The following CHN2 variants were observed in gnomAD, a reference collection of about 807,000 sequenced individuals.
CHN2 encodes beta-chimaerin.
In CHN2, 35 loss-of-function variants were observed where a neutral mutation model predicts 56.3. The observed-to-expected ratio is 0.62, with a 90% CI of 0.47 to 0.82. The LOEUF (loss-of-function observed/expected upper bound fraction) is 0.82, where lower values mean the gene tolerates loss of function less well. Among genes scored for constraint, CHN2 ranks in the 40% least tolerant of loss-of-function variants. The pLI is 0.00. For missense variants in CHN2, 491 were observed against 580.5 expected (o/e 0.85, Z 1.58); for synonymous variants, 210 against 212.8 (o/e 0.99, Z 0.12).
chr7:29,333,204 A>G lies in CHN2; in HGVS notation c.50-21421A>G, dbSNP rs78182329. On this transcript the variant is annotated intron_variant, in intron 1 of 12. Coordinates refer to ENST00000222792, the MANE Select transcript of CHN2 (RefSeq NM_004067.4). ...CTGGGCTGGGGTGTACAGAGCAGCAATGGGAACAGGGGAGGCACATCTAGT... is the reference window on the plus strand; with the variant it reads ...CTGGGCTGGGGTGTACAGAGCAGCAGTGGGAACAGGGGAGGCACATCTAGT... Among the ~76,000 whole-genome samples, 14 of 152,240 alleles carry G rather than the reference A, an allele frequency of 9.2e-5. No individual in the cohort carries two copies. In the East Asian group the frequency reaches 1.4e-3, roughly 15 times the overall value.
chr7:29,401,128 TG>T, intron 6 of CHN2: 1 of 308,488 alleles, frequency 3.2e-6, no homozygotes, highest in South Asian at 3.8e-5. Context: ...ATCAGCCGGG[TG>T]TGGTGGTGGG....
intron 6 of CHN2, among the ~76,000 whole-genome samples, chr7:29,418,324 C>T (rs1232444951): frequency 2.6e-5 from 4 of 152,194 alleles, no homozygotes; most frequent in Admixed American, 2.6e-4. Context: ...CGCGGAAGCG[C>T]GGGGAGGAGG....
chr7:29,323,995 C>A (rs944508730), intron 1 of CHN2, among the ~76,000 whole-genome samples: 1 of 151,328 alleles, frequency 6.6e-6, no homozygotes, highest in Non-Finnish European at 1.5e-5. Flanking sequence ...CAGAGCGAGA[C>A]CCCGTCTCAA....
At chr7:29,235,575 AC>A (rs1302444530) in intron 1 of CHN2, among the ~76,000 whole-genome samples, 1 of 152,224 alleles carries the variant, frequency 6.6e-6, no homozygotes, top group Non-Finnish European at 1.5e-5. Flanking sequence ...TACCATAAAG[AC>A]ACATGCAAGC....
intron 1 of CHN2, among the ~76,000 whole-genome samples, chr7:29,323,859 C>G (rs903202540): frequency 1.3e-5 from 2 of 151,790 alleles, no homozygotes; most frequent in South Asian, 4.2e-4. Context: ...GAAAAAATAG[C>G]CGGGCGTGGT....
intron 6 of CHN2, among the ~76,000 whole-genome samples, chr7:29,423,655 T>A (rs1804562817): frequency 6.6e-6 from 1 of 152,262 alleles, no homozygotes; most frequent in African/African-American, 2.4e-5. Context: ...TTAATTCATT[T>A]TAATTTCCAT....
intron 1 of CHN2, among the ~76,000 whole-genome samples, chr7:29,319,839 G>A (rs911090419): frequency 2.0e-5 from 3 of 152,106 alleles, no homozygotes; most frequent in Non-Finnish European, 4.4e-5. Context: ...CAAGCCCTTC[G>A]TCACATCTAG....
chr7:29,199,004 A>G (rs3812395), intron 1 of CHN2, among the ~76,000 whole-genome samples: 19,072 of 152,238 alleles, frequency 0.13, 1,653 homozygotes, highest in East Asian at 0.29. Flanking sequence ...GAAAAAGATA[A>G]CAAGTCAGTA....
chr7:29,277,468 G>A lies in CHN2; in HGVS notation c.50-77157G>A, dbSNP rs145978217. On this transcript the variant is annotated intron_variant, in intron 1 of 12. Transcript: ENST00000222792. ...GTACCCACAAATGCTCCACAGCCCC[G>A]GTATGTGATCCAAGCAGTAGGGTTC... Among the ~76,000 whole-genome samples, 872 of 152,294 alleles carry A rather than the reference G, an allele frequency of 5.7e-3. 4 individuals carry two copies. Among genetic ancestry groups the A allele is most frequent in the Non-Finnish European group, 7.8e-3 (533 of 68,022 alleles).
chr7:29,404,472 A>G (rs1162210281), intron 6 of CHN2, among the ~76,000 whole-genome samples: 1 of 152,222 alleles, frequency 6.6e-6, no homozygotes, highest in Non-Finnish European at 1.5e-5. Context: ...ACTGTTCATT[A>G]TAGCAGCAAA....
At chr7:29,372,932 A>C (rs1799730408) in intron 3 of CHN2, among the ~76,000 whole-genome samples, 1 of 152,240 alleles carries the variant, frequency 6.6e-6, no homozygotes, top group South Asian at 2.1e-4. Context: ...GTCTTTTTTG[A>C]AATCGCTATA....
At chr7:29,262,973 T>C (rs1789687676) in intron 1 of CHN2, among the ~76,000 whole-genome samples, 1 of 152,222 alleles carries the variant, frequency 6.6e-6, no homozygotes, top group African/African-American at 2.4e-5. Context: ...ATGTTATATG[T>C]ATTTTACCAC....
intron 1 of CHN2, among the ~76,000 whole-genome samples, chr7:29,253,623 A>G (rs550792094): frequency 1.1e-3 from 168 of 152,206 alleles, no homozygotes; most frequent in Non-Finnish European, 2.0e-3. Flanking sequence ...CCTTCCAACT[A>G]TAGGATTCAA....
chr7:29,254,007 C>T (rs1174598694), intron 1 of CHN2, among the ~76,000 whole-genome samples: 15 of 152,152 alleles, frequency 9.9e-5, no homozygotes, highest in African/African-American at 2.2e-4. Context: ...CAGGGTCAAG[C>T]GATTCTCCTG....
intron 6 of CHN2, among the ~76,000 whole-genome samples, chr7:29,433,841 C>A (rs10263978): frequency 0.2 from 15,421 of 77,846 alleles, 828 homozygotes; most frequent in East Asian, 0.38. Context: ...TCCATCTAAA[C>A]AAAAAAAAAA....
At chr7:29,214,132 G>T (rs570760074) in intron 1 of CHN2, among the ~76,000 whole-genome samples, 2 of 152,068 alleles carry the variant, frequency 1.3e-5, no homozygotes, top group Non-Finnish European at 2.9e-5. Context: ...GAGTCAATTC[G>T]ATCCGATTTC....
At chr7:29,146,798 T>C (rs1324666274) in intron 1 of CHN2, 1 of 1,549,622 alleles carries the variant, frequency 6.5e-7, no homozygotes, top group Non-Finnish European at 8.7e-7. Context: ...TTTTAAAAGC[T>C]GCTATCTTAA....
chr7:29,251,064 A>C (rs1222659007), intron 1 of CHN2, among the ~76,000 whole-genome samples: 3 of 152,234 alleles, frequency 2.0e-5, no homozygotes, highest in African/African-American at 7.2e-5. Flanking sequence ...AATTATGGGC[A>C]AGGATGGCAA....
intron 1 of CHN2, among the ~76,000 whole-genome samples, chr7:29,271,563 G>C (rs940210158): frequency 1.3e-5 from 2 of 152,166 alleles, no homozygotes; most frequent in African/African-American, 2.4e-5. Flanking sequence ...ACAATTTTCA[G>C]TTTGGTAGGA....
Sources: allele counts gnomAD v4.1 joint callset (sites outside exome capture counted in the v4.1 genomes callset), GRCh38; gene constraint gnomAD v4.1.1; transcripts MANE v1.5; gene names NCBI Gene and HGNC (gene_info 2026-07-23, HGNC 2026-07-21).